ATP8A2: variants seen among roughly 807,000 people sequenced by gnomAD.
The protein encoded by ATP8A2 is phospholipid-transporting ATPase IB.
ATP8A2 carries 100 observed loss-of-function variants against 165.6 expected under a neutral mutation model. The observed-to-expected ratio is 0.60, with a 90% CI of 0.51 to 0.71. The LOEUF (loss-of-function observed/expected upper bound fraction) is 0.71. Ranked by LOEUF, ATP8A2 falls within the 30% of genes least tolerant of loss-of-function variation. The pLI is 0.00. For missense variants in ATP8A2, 1,227 were observed against 1,479.5 expected (o/e 0.83, Z 2.80); for synonymous variants, 543 against 548.8 (o/e 0.99, Z 0.15).
chr13:25,975,457 C>T (rs1240424977), intron 35 of ATP8A2, among the ~76,000 whole-genome samples: 1 of 151,958 alleles, frequency 6.6e-6, no homozygotes, highest in Non-Finnish European at 1.5e-5. Context: ...TGGCGGGCAC[C>T]TGTAGTCCCA....
chr13:25,810,831 A>G (rs192982757), intron 27 of ATP8A2, among the ~76,000 whole-genome samples: 6 of 152,268 alleles, frequency 3.9e-5, no homozygotes, highest in East Asian at 3.9e-4. Flanking sequence ...TGAGTAGACT[A>G]TTTGAGTTTT....
chr13:25,377,061 C>A (rs17082187), intron 1 of ATP8A2, among the ~76,000 whole-genome samples: 1 of 152,152 alleles, frequency 6.6e-6, no homozygotes, highest in African/African-American at 2.4e-5. Context: ...ACATTTACAA[C>A]GGATGTGTTA....
chr13:25,498,413 A>G (rs2036746738), intron 2 of ATP8A2, among the ~76,000 whole-genome samples: 1 of 152,196 alleles, frequency 6.6e-6, no homozygotes, highest in Non-Finnish European at 1.5e-5. Context: ...ATTCTACAGA[A>G]TGCTTGTTTA....
At chr13:25,875,848 TG>T (rs769320109) in intron 33 of ATP8A2, among the ~76,000 whole-genome samples, 30 of 152,224 alleles carry the variant, frequency 2.0e-4, no homozygotes, top group Non-Finnish European at 4.0e-4. Context: ...GAAATTAAGA[TG>T]GGTATTTTTG....
At chr13:25,864,728 G>A (rs1952457993) in intron 33 of ATP8A2, among the ~76,000 whole-genome samples, 1 of 152,218 alleles carries the variant, frequency 6.6e-6, no homozygotes, top group African/African-American at 2.4e-5. Context: ...ATGATAGCTG[G>A]GTGAAACCGA....
chr13:25,572,657 G>C (rs1489650199), intron 18 of ATP8A2, among the ~76,000 whole-genome samples: 1 of 152,166 alleles, frequency 6.6e-6, no homozygotes, highest in African/African-American at 2.4e-5. Flanking sequence ...TTTTCATGAT[G>C]ACCAGTTAGA....
intron 1 of ATP8A2, among the ~76,000 whole-genome samples, chr13:25,432,910 T>C (rs1315337935): frequency 6.6e-6 from 1 of 152,234 alleles, no homozygotes; most frequent in African/African-American, 2.4e-5. Context: ...CCGGCACATG[T>C]GTTGTCTAAA....
At chr13:25,891,229 G>A (rs890748645) in intron 33 of ATP8A2, among the ~76,000 whole-genome samples, 54 of 152,186 alleles carry the variant, frequency 3.5e-4, no homozygotes, top group African/African-American at 1.2e-3. Flanking sequence ...TTTCTTTAGG[G>A]CAAAGTTACG....
chr13:25,605,968 C>T (rs888645437), intron 24 of ATP8A2, among the ~76,000 whole-genome samples: 5 of 152,082 alleles, frequency 3.3e-5, no homozygotes, highest in African/African-American at 1.2e-4. Flanking sequence ...ACATATAAAT[C>T]CATATACTCC....
rs571206887 is a variant in ATP8A2 at position 25,630,084 on chromosome 13, C to G, written c.2211+40385C>G. Among the ~76,000 whole-genome samples the G allele has an allele frequency of 3.2e-5, 4 of 123,310 alleles. No homozygotes were observed. The South Asian group carries it at 1.1e-3, about 34-fold the overall frequency. The allele number at this position is 123,310 out of a possible 152,430, so 80.9% of individuals were successfully genotyped here. A position where few individuals can be genotyped will look rare whatever the true frequency, so the allele number is the denominator to read the frequency against. On this transcript the variant is annotated intron_variant, in intron 24 of 36. Coordinates refer to ENST00000381655, the MANE Select transcript of ATP8A2 (RefSeq NM_016529.6). ...TGTTTAAGACACCTTTTTGTCCCCC[C>G]CCCACCACCAAACAGGGAACTGGGA...
intron 33 of ATP8A2, among the ~76,000 whole-genome samples, chr13:25,918,649 G>A (rs577909956): frequency 3.9e-5 from 6 of 152,082 alleles, no homozygotes; most frequent in East Asian, 3.9e-4. Flanking sequence ...CCTCCCCCCC[G>A]CAACAATAAA....
At chr13:25,790,357 G>C (rs1185685972) in intron 27 of ATP8A2, among the ~76,000 whole-genome samples, 2 of 151,968 alleles carry the variant, frequency 1.3e-5, no homozygotes, top group African/African-American at 4.8e-5. Flanking sequence ...CATCTATAAG[G>C]AACTTAGACA....
Position 25,825,145 on chromosome 13 carries a change from C to CTTTTTTTTTTTTTTTT in ATP8A2, c.2680-2959_2680-2944dup, listed in dbSNP as rs60778003. Among the ~76,000 whole-genome samples, 3 of 27,472 alleles carry CTTTTTTTTTTTTTTTT rather than the reference C, an allele frequency of 1.1e-4. 1 individual carries two copies. The highest frequency in any genetic ancestry group is 1.5e-4 in the African/African-American group (1 of 6,724). 18.0% of individuals were successfully genotyped at this position (27,472 alleles called of 152,430 possible). ...CATAGTTTCATTGTGTATGTGTTTG[C>CTTTTTTTTTTTTTTTT]TTTTTTTTTTTTTTTTTTTTTTTTT... On this transcript the variant is annotated intron_variant, in intron 27 of 36. Transcript: ENST00000381655.
At chr13:25,859,979 G>C (rs1378796296) in intron 30 of ATP8A2, among the ~76,000 whole-genome samples, 6 of 152,086 alleles carry the variant, frequency 3.9e-5, no homozygotes, top group Non-Finnish European at 8.8e-5. Flanking sequence ...TGGTTGGTTG[G>C]TTGGAAGCTT....
At chr13:25,702,628 A>G (rs112152475) in intron 25 of ATP8A2, among the ~76,000 whole-genome samples, 11 of 152,204 alleles carry the variant, frequency 7.2e-5, no homozygotes, top group African/African-American at 1.9e-4. Context: ...CCTTTGGTGT[A>G]GAAGTGCAAA....
chr13:25,912,721 AG>A (rs1279335743), intron 33 of ATP8A2, among the ~76,000 whole-genome samples: 1 of 152,190 alleles, frequency 6.6e-6, no homozygotes, highest in African/African-American at 2.4e-5. Flanking sequence ...AGTATGGTAT[AG>A]TATGCACTAC....
chr13:25,460,371 G>T (rs1049548269), intron 1 of ATP8A2, among the ~76,000 whole-genome samples: 2 of 152,142 alleles, frequency 1.3e-5, no homozygotes, highest in Non-Finnish European at 2.9e-5. Flanking sequence ...GCCAGTGTTG[G>T]GGTCCTACGA....
At chr13:25,828,524 C>G (rs1187473180) in intron 28 of ATP8A2, among the ~76,000 whole-genome samples, 1 of 152,224 alleles carries the variant, frequency 6.6e-6, no homozygotes, top group African/African-American at 2.4e-5. Context: ...TGAACTACAC[C>G]TAAACTCATT....
chr13:25,753,677 C>G (rs776368019), intron 25 of ATP8A2, among the ~76,000 whole-genome samples: 6 of 152,168 alleles, frequency 3.9e-5, no homozygotes, highest in Non-Finnish European at 8.8e-5. Flanking sequence ...CCCAGCTTCT[C>G]TCTTGGAGAT....
Sources: allele counts gnomAD v4.1 joint callset (sites outside exome capture counted in the v4.1 genomes callset), GRCh38; gene constraint gnomAD v4.1.1; transcripts MANE v1.5; gene names NCBI Gene and HGNC (gene_info 2026-07-23, HGNC 2026-07-21).